The following MIDN variants were observed in gnomAD, a reference collection of about 807,000 sequenced individuals.
The protein encoded by MIDN is midnolin, also known as midbrain nucleolar protein.
MIDN carries 26 observed loss-of-function variants against 46.1 expected under a neutral mutation model. The ratio of observed to expected loss-of-function variants is 0.56; its 90% CI spans 0.41 to 0.78. The LOEUF (loss-of-function observed/expected upper bound fraction) is 0.78. Ranked by LOEUF, MIDN falls within the 30% of genes least tolerant of loss-of-function variation. The probability of loss-of-function intolerance (pLI) is 0.00; values close to 1 mark genes in which losing one functional copy is unlikely to be tolerated. For synonymous variants in MIDN, 432 were observed against 343.3 expected (o/e 1.26, Z -2.86); for missense variants, 850 against 771.8 (o/e 1.10, Z -1.20).
chr19:1,255,929 C>G (rs1438684799), intron 8 of MIDN, among the ~76,000 whole-genome samples: 1 of 152,276 alleles, frequency 6.6e-6, no homozygotes, highest in Non-Finnish European at 1.5e-5. Context: ...CTGCCCCACC[C>G]CCACCCGGGG....
Position 1,257,538 on chromosome 19 carries a change from C to CTCCTCCTCCTCT in MIDN, c.*266_*267insTCCTCCTCCTCT, listed in dbSNP as rs113517572. On this transcript the variant is annotated 3_prime_UTR_variant, in exon 9 of 9. Coordinates refer to ENST00000682408, the MANE Select transcript of MIDN (RefSeq NM_001388306.1). Reference sequence around the variant, plus strand: ...CCTCTTCCTCCTCCTCCTCCTCCTCCGTCTGTCTCCTTTCACCTCTGCGCC... The same window carrying CTCCTCCTCCTCT: ...CCTCTTCCTCCTCCTCCTCCTCCTCCTCCTCCTCCTCTGTCTGTCTCCTTTCACCTCTGCGCC... 7.0e-6 allele frequency: 3 copies of CTCCTCCTCCTCT among 430,212 alleles called. No individual in the cohort carries two copies. The highest frequency in any genetic ancestry group is 8.4e-5 in the East Asian group (2 of 23,802). 26.6% of individuals were successfully genotyped at this position (430,212 alleles called of 1,614,324 possible). A position where few individuals can be genotyped will look rare whatever the true frequency, so the allele number is the denominator to read the frequency against.
chr19:1,254,352 G>A lies in MIDN; in HGVS notation c.699G>A (p.Ser233=), dbSNP rs767138593. ...CCAGCATAGCCTCCCCCGTGTCCTC[G>A]CCCTGCCGGCCGGTGTCCAGTGCCG... ...GDPSIASPVS[S]PCRPVSSAAR... The change falls in exon 6 of 9, where the codon TCG becomes TCA. Residue 233 remains serine, a synonymous_variant. Coordinates refer to ENST00000682408, the MANE Select transcript of MIDN (RefSeq NM_001388306.1). 6.8e-5 allele frequency: 106 copies of A among 1,561,992 alleles called. No homozygotes were observed. Among genetic ancestry groups the A allele is most frequent in the African/African-American group, 5.4e-5 (4 of 73,872 alleles).
chr19:1,253,222 AG>A (rs2081154831), intron 4 of MIDN, among the ~76,000 whole-genome samples: 2 of 144,040 alleles, frequency 1.4e-5, no homozygotes, highest in South Asian at 4.6e-4. Context: ...GTCTTGGGGC[AG>A]GGGGGTAGGG....
rs2081168948 is a variant in MIDN, at chr19:1,254,207, C to T, written c.554C>T (p.Ala185Val). 4 of 1,598,746 alleles carry T rather than the reference C, an allele frequency of 2.5e-6. No homozygotes were observed. Among genetic ancestry groups the T allele is most frequent in the African/African-American group, 1.3e-5 (1 of 74,696 alleles). ...TCGGGCCGTTCGCCACTGACACTGG[C>T]CTTGCGTGTGGGCGACCACATGATG... ...FLSGRSPLTL[A>V]LRVGDHMMFV... The change falls in exon 6 of 9, where the codon GCC becomes GTC. Residue 185 changes from alanine to valine, a missense_variant. Ala to Val is a moderately conservative substitution (Grantham distance 64). Coordinates refer to ENST00000682408, the MANE Select transcript of MIDN (RefSeq NM_001388306.1).
Position 1,254,273 on chromosome 19 carries a change from A to G in MIDN, c.620A>G (p.Gln207Arg). Residue 207 changes from glutamine to arginine, a missense_variant, in exon 6 of 9, where the codon CAA (glutamine) becomes CGA (arginine). By Grantham distance (43) the Gln-to-Arg change is conservative. Transcript: ENST00000682408. ...CTCGCGGCCCAGCACGCTCCACTGC[A>G]ACACCGCCATGTGCTGGCCGCTGCG... The part of the protein sequence containing the change: ...LQLAAQHAPL[Q>R]HRHVLAAAAA... 3 of 1,584,706 alleles carry G rather than the reference A, an allele frequency of 1.9e-6. No individual in the cohort carries two copies. Among genetic ancestry groups the G allele is most frequent in the Non-Finnish European group, 2.6e-6 (3 of 1,172,220 alleles).
rs2081237117 is a variant in MIDN, at chr19:1,259,112, G to T, written c.*1840G>T. On this transcript the variant is annotated 3_prime_UTR_variant, in exon 9 of 9. Coordinates refer to ENST00000682408, the MANE Select transcript of MIDN (RefSeq NM_001388306.1). ...AAAAAAAAACCTACACGAGCACCGTGATTTCAAGTAATAAACAGAAAATGA... is the reference window on the plus strand; with the variant it reads ...AAAAAAAAACCTACACGAGCACCGTTATTTCAAGTAATAAACAGAAAATGA... The T allele has an allele frequency of 6.6e-6, 1 of 151,508 alleles. No homozygotes were observed. Among genetic ancestry groups the T allele is most frequent in the Non-Finnish European group, 1.5e-5 (1 of 67,910 alleles). 9.4% of individuals were successfully genotyped at this position (151,508 alleles called of 1,614,324 possible).
rs1408927835 is a variant in MIDN, at chr19:1,258,342, G to A, written c.*1070G>A. ...GCTGAGCTGTGAATCCCCTGGGCAG[G>A]GGGCGACAACTCCGTGTAGCATTAA... On this transcript the variant is annotated 3_prime_UTR_variant, in exon 9 of 9. Transcript: ENST00000682408. 1 of 152,582 alleles carries A rather than the reference G, an allele frequency of 6.6e-6. No homozygotes were observed. Among genetic ancestry groups the A allele is most frequent in the Non-Finnish European group, 1.5e-5 (1 of 68,068 alleles). The allele number at this position is 152,582 out of a possible 1,614,324, so 9.5% of individuals were successfully genotyped here.
intron 8 of MIDN, 112 bp from the exon 9 acceptor site, chr19:1,256,883 A>G (rs2081205225): frequency 6.8e-7 from 1 of 1,480,868 alleles, no homozygotes; most frequent in Non-Finnish European, 9.1e-7. Context: ...ACCTCCCTCC[A>G]GGGAGGGCAG....
Position 1,249,901 on chromosome 19 carries a change from G to C in MIDN, c.-396G>C, listed in dbSNP as rs925505902. ...ACTTTCACCCCCAGATCCTCCGAGC[G>C]GCGGCGACGGCTGTTGCTAAGGGAG... On this transcript the variant is annotated 5_prime_UTR_variant, in exon 2 of 9. Coordinates refer to ENST00000682408, the MANE Select transcript of MIDN (RefSeq NM_001388306.1). 1 of 151,954 alleles carries C rather than the reference G, an allele frequency of 6.6e-6. No homozygotes were observed. Among genetic ancestry groups the C allele is most frequent in the East Asian group, 1.9e-4 (1 of 5,140 alleles). The allele number at this position is 151,954 out of a possible 1,614,324, so 9.4% of individuals were successfully genotyped here.
rs1036842466 is a variant in MIDN at position 1,250,105 on chromosome 19, C to G, written c.-192C>G. ...GCGCCCCCAGGAGCCGGAGCGACCTCGGAGCGCCACTCGGATTTTGGATTT... is the reference window on the plus strand; with the variant it reads ...GCGCCCCCAGGAGCCGGAGCGACCTGGGAGCGCCACTCGGATTTTGGATTT... On this transcript the variant is annotated 5_prime_UTR_variant, in exon 2 of 9. Transcript: ENST00000682408. The G allele has an allele frequency of 1.3e-5, 2 of 155,156 alleles. No homozygotes were observed. The highest frequency in any genetic ancestry group is 2.8e-5 in the Non-Finnish European group (2 of 71,002). The allele number at this position is 155,156 out of a possible 1,614,324, so 9.6% of individuals were successfully genotyped here.
intron 4 of MIDN, 73 bp downstream of exon 4, chr19:1,251,974 G>A: frequency 2.3e-6 from 3 of 1,325,896 alleles, no homozygotes; most frequent in South Asian, 1.2e-5. Context: ...ACGGGGCCTG[G>A]GGGTTGTCTG....
At chr19:1,250,618 G>A in intron 2 of MIDN, 89 bp downstream of exon 2, 1 of 709,148 alleles carries the variant, frequency 1.4e-6, no homozygotes, top group East Asian at 6.7e-5. Flanking sequence ...GAAGGCAGGG[G>A]GCGGCCAGAC....
chr19:1,250,688 GC>G (rs1390636559), intron 2 of MIDN, among the ~76,000 whole-genome samples, 159 bp downstream of exon 2: 2 of 150,806 alleles, frequency 1.3e-5, no homozygotes, highest in Non-Finnish European at 3.0e-5. Context: ...GCCTGCCTCG[GC>G]CCCCTCCCCC....
rs1268070384 is a variant in MIDN, at chr19:1,255,561, C to T, written c.1125C>T (p.Cys375=). The T allele has an allele frequency of 6.2e-7, 1 of 1,611,768 alleles. No homozygotes were observed. ...CCCCTTCGCTGGCCCAGCTCCGCTG[C>T]CACGCCCAGTGCTCCCCGGCCTCAC... ...GMPPSLAQLR[C]HAQCSPASPA... The change falls in exon 8 of 9, where the codon TGC becomes TGT. Residue 375 remains cysteine, a synonymous_variant. Coordinates refer to ENST00000682408, the MANE Select transcript of MIDN (RefSeq NM_001388306.1).
chr19:1,248,747 G>A (rs2081085211), intron 1 of MIDN, 87 bp downstream of exon 1: 1 of 152,174 alleles, frequency 6.6e-6, no homozygotes, highest in African/African-American at 2.4e-5. Flanking sequence ...TTTGTTCTTG[G>A]GACAGGAGGG....
chr19:1,251,304 G>C (rs974234113), intron 2 of MIDN: 1 of 500,700 alleles, frequency 2.0e-6, no homozygotes, highest in South Asian at 2.6e-5. Flanking sequence ...TGCCTGGTTG[G>C]GGTGCAGAGG....
At chr19:1,256,064 C>T (rs1344484444) in intron 8 of MIDN, among the ~76,000 whole-genome samples, 2 of 152,254 alleles carry the variant, frequency 1.3e-5, no homozygotes, top group Admixed American at 6.5e-5. Context: ...CACAACCCCC[C>T]TGCCAGCCTG....
intron 2 of MIDN, 191 bp from the exon 3 acceptor site, chr19:1,251,371 G>T (rs2081125390): frequency 1.8e-6 from 1 of 568,258 alleles, no homozygotes; most frequent in Non-Finnish European, 3.1e-6. Context: ...GAATCGCCAG[G>T]ATGGGGCTCC....
intron 7 of MIDN, 44 bp downstream of exon 7, chr19:1,255,105 C>G: frequency 6.3e-7 from 1 of 1,584,636 alleles, no homozygotes; most frequent in South Asian, 1.1e-5. Context: ...TGTCCCGTGA[C>G]CCTGTGCATT....
Sources: gnomAD v4.1 joint callset for allele counts (sites outside exome capture counted in the v4.1 genomes callset) on GRCh38, gnomAD v4.1.1 for gene constraint, MANE v1.5 for transcripts, NCBI Gene and HGNC (gene_info 2026-07-23, HGNC 2026-07-21) for gene names.